Variants in LMX1A observed in about 807,000 individuals in gnomAD.
LMX1A encodes the protein LIM homeobox transcription factor 1-alpha.
LMX1A carries 15 observed loss-of-function variants against 49.1 expected under a neutral mutation model. The ratio of observed to expected loss-of-function variants is 0.31; its 90% CI spans 0.20 to 0.47. The LOEUF (loss-of-function observed/expected upper bound fraction) is 0.47. Ranked by LOEUF, LMX1A falls within the 20% of genes least tolerant of loss-of-function variation. The pLI, the probability that LMX1A is intolerant of heterozygous loss-of-function variation, is 1.00. For synonymous variants in LMX1A, 167 were observed against 185.7 expected (o/e 0.90, Z 0.82); for missense variants, 372 against 475.8 (o/e 0.78, Z 2.03).
At chr1:165,227,055 T>C (rs1456193026) in intron 4 of LMX1A, among the ~76,000 whole-genome samples, 2 of 152,174 alleles carry the variant, frequency 1.3e-5, no homozygotes, top group East Asian at 1.9e-4. Flanking sequence ...GGGCATCTAA[T>C]GTGGTCTCAG....
chr1:165,322,386 A>G (rs1465582601), intron 3 of LMX1A, among the ~76,000 whole-genome samples: 1 of 152,236 alleles, frequency 6.6e-6, no homozygotes, highest in African/African-American at 2.4e-5. Context: ...TCTTCATAGC[A>G]GCATTGATTC....
intron 4 of LMX1A, among the ~76,000 whole-genome samples, chr1:165,247,095 G>A (rs886796962): frequency 4.6e-5 from 3 of 65,330 alleles, no homozygotes; most frequent in East Asian, 7.7e-4. Flanking sequence ...GGTTAGGGGC[G>A]TGGAGCCAAT....
rs184551055 is a variant in LMX1A, at chr1:165,230,365, T to C, written c.497-16552A>G. Among the ~76,000 whole-genome samples the C allele has an allele frequency of 1.4e-4, 22 of 152,306 alleles. No homozygotes were observed. The East Asian group carries it at 3.9e-3, about 27-fold the overall frequency. The stretch of plus-strand genomic sequence containing the variant: ...TTAATTTTATTATAGTGGTTTAACA[T>C]GGATAGCTCTAGGAGCTGTCACTTA... On this transcript the variant is annotated intron_variant, in intron 4 of 8. Transcript: ENST00000342310.
intron 3 of LMX1A, among the ~76,000 whole-genome samples, chr1:165,275,176 C>T (rs1417001615): frequency 1.3e-5 from 2 of 152,136 alleles, no homozygotes; most frequent in African/African-American, 2.4e-5. Context: ...TCTGAAATTG[C>T]CCCTGAAGTG....
At chr1:165,318,999 TCACACACACACA>T (rs35582531) in intron 3 of LMX1A, among the ~76,000 whole-genome samples, 7 of 117,752 alleles carry the variant, frequency 5.9e-5, no homozygotes, top group African/African-American at 2.5e-4. Flanking sequence ...TCTCTCTCTC[TCACACACACACA>T]CACACACACA....
At chr1:165,321,017 A>G (rs1655369745) in intron 3 of LMX1A, among the ~76,000 whole-genome samples, 1 of 152,230 alleles carries the variant, frequency 6.6e-6, no homozygotes, top group Admixed American at 6.5e-5. Flanking sequence ...GCTGAATGAT[A>G]AACAAAATGT....
chr1:165,245,377 C>A (rs759541654), intron 4 of LMX1A, among the ~76,000 whole-genome samples: 2 of 152,140 alleles, frequency 1.3e-5, no homozygotes, highest in Non-Finnish European at 2.9e-5. Flanking sequence ...CAGTTTGACC[C>A]TTTATCAGAC....
At chr1:165,234,926 C>G (rs1402076953) in intron 4 of LMX1A, among the ~76,000 whole-genome samples, 2 of 152,124 alleles carry the variant, frequency 1.3e-5, no homozygotes, top group Non-Finnish European at 2.9e-5. Context: ...GACTTTCAAC[C>G]AGTCCTGTTG....
intron 3 of LMX1A, among the ~76,000 whole-genome samples, chr1:165,285,294 G>A (rs1041570954): frequency 1.1e-4 from 16 of 152,194 alleles, no homozygotes; most frequent in African/African-American, 3.6e-4. Flanking sequence ...CAGCTTAAGT[G>A]TGGGCCCTGT....
At chr1:165,318,652 T>C (rs938124537) in intron 3 of LMX1A, among the ~76,000 whole-genome samples, 6 of 152,144 alleles carry the variant, frequency 3.9e-5, no homozygotes, top group Admixed American at 2.0e-4. Context: ...AGACTGCTTT[T>C]TAAAGGAGAC....
At chr1:165,312,014 C>T (rs1186284887) in intron 3 of LMX1A, among the ~76,000 whole-genome samples, 2 of 152,214 alleles carry the variant, frequency 1.3e-5, no homozygotes, top group South Asian at 2.1e-4. Context: ...GAGGCAACCA[C>T]GTACTGTTAT....
At chr1:165,250,155 G>T (rs1653005656) in intron 3 of LMX1A, among the ~76,000 whole-genome samples, 1 of 152,198 alleles carries the variant, frequency 6.6e-6, no homozygotes, top group East Asian at 1.9e-4. Flanking sequence ...TGATGGGCTG[G>T]TAAGTGCAGC....
chr1:165,248,223 TAG>T (rs1278168912), intron 4 of LMX1A, among the ~76,000 whole-genome samples: 4 of 152,124 alleles, frequency 2.6e-5, no homozygotes, highest in African/African-American at 9.7e-5. Context: ...TGAAAAGGAA[TAG>T]ACTTTTAAGA....
Position 165,299,736 on chromosome 1 carries a change from G to A in LMX1A, c.264-50096C>T, listed in dbSNP as rs139848304. Among the ~76,000 whole-genome samples the A allele has an allele frequency of 1.8e-3, 249 of 141,388 alleles. 3 individuals carry two copies. The highest frequency in any genetic ancestry group is 6.1e-3 in the African/African-American group (229 of 37,626). The allele number at this position is 141,388 out of a possible 152,430, so 92.8% of individuals were successfully genotyped here. On this transcript the variant is annotated intron_variant, in intron 3 of 8. Transcript: ENST00000342310. Reference sequence around the variant, plus strand: ...TATTTCTCTCTTGGAGTTCCTGCACGTATGTCTGACAACAAGGAAACCAAG... The same window carrying A: ...TATTTCTCTCTTGGAGTTCCTGCACATATGTCTGACAACAAGGAAACCAAG...
chr1:165,233,954 T>C (rs1652329293), intron 4 of LMX1A, among the ~76,000 whole-genome samples: 1 of 152,156 alleles, frequency 6.6e-6, no homozygotes, highest in Admixed American at 6.5e-5. Context: ...AACACTGCAA[T>C]AGTCTCCTGC....
rs1400296932 is a variant in LMX1A, at chr1:165,203,452, A to G, written c.*428T>C. ...ATAATTAGGAATAAACTTTGAGGGT[A>G]AAATACGAAAGGTTACACACTCACA... On this transcript the variant is annotated 3_prime_UTR_variant, in exon 9 of 9. Transcript: ENST00000342310. 6.5e-6 allele frequency: 1 copy of G among 154,022 alleles called. No homozygotes were observed. Among genetic ancestry groups the G allele is most frequent in the Non-Finnish European group, 1.4e-5 (1 of 69,064 alleles). 9.5% of individuals were successfully genotyped at this position (154,022 alleles called of 1,614,324 possible).
chr1:165,220,392 A>C (rs1651797473), intron 4 of LMX1A, among the ~76,000 whole-genome samples: 1 of 152,208 alleles, frequency 6.6e-6, no homozygotes, highest in Non-Finnish European at 1.5e-5. Context: ...AGTGGGAAGA[A>C]GGAGGTGTTA....
At chr1:165,329,911 G>A (rs554836136) in intron 3 of LMX1A, among the ~76,000 whole-genome samples, 2 of 152,332 alleles carry the variant, frequency 1.3e-5, no homozygotes, top group Non-Finnish European at 2.9e-5. Context: ...GTGTGGCCCA[G>A]CTGGGAATCA....
intron 4 of LMX1A, among the ~76,000 whole-genome samples, chr1:165,237,714 C>T (rs1019465042): frequency 6.6e-6 from 1 of 152,148 alleles, no homozygotes; most frequent in Admixed American, 6.5e-5. Flanking sequence ...TAGCAGAGTA[C>T]CTAGTTTGCC....
Sources: allele counts gnomAD v4.1 joint callset (sites outside exome capture counted in the v4.1 genomes callset), GRCh38; gene constraint gnomAD v4.1.1; transcripts MANE v1.5; gene names NCBI Gene and HGNC (gene_info 2026-07-23, HGNC 2026-07-21).